Variants in GAS7 observed in about 807,000 individuals in gnomAD.
GAS7 encodes growth arrest-specific protein 7.
A neutral mutation model predicts 71.1 loss-of-function variants in GAS7; 28 were observed. That is an observed-to-expected ratio of 0.39 (90% confidence interval 0.29 to 0.54). GAS7 has a LOEUF of 0.54. Among genes scored for constraint, GAS7 ranks in the 20% least tolerant of loss-of-function variants. The pLI, the probability that GAS7 is intolerant of heterozygous loss-of-function variation, is 0.62. For synonymous variants in GAS7, 258 were observed against 245.8 expected (o/e 1.05, Z -0.46); for missense variants, 436 against 627.8 (o/e 0.69, Z 3.27).
chr17:10,045,729 C>A (rs1423771886), intron 1 of GAS7, among the ~76,000 whole-genome samples: 1 of 152,138 alleles, frequency 6.6e-6, no homozygotes, highest in African/African-American at 2.4e-5. Flanking sequence ...GTGGACATAT[C>A]AGAAACGGCA....
At chr17:10,084,637 T>C (rs2073497010) in intron 1 of GAS7, among the ~76,000 whole-genome samples, 1 of 152,048 alleles carries the variant, frequency 6.6e-6, no homozygotes, top group African/African-American at 2.4e-5. Flanking sequence ...TGGCTAATAT[T>C]TGTATTTTTA....
intron 2 of GAS7, among the ~76,000 whole-genome samples, chr17:9,983,467 G>C (rs1328784269): frequency 6.6e-6 from 1 of 152,094 alleles, no homozygotes; most frequent in Admixed American, 6.6e-5. Flanking sequence ...CTCCAGCCTG[G>C]GTGACAGAGC....
intron 1 of GAS7, among the ~76,000 whole-genome samples, chr17:10,059,048 T>C (rs1248717813): frequency 6.6e-6 from 1 of 152,226 alleles, no homozygotes; most frequent in Non-Finnish European, 1.5e-5. Context: ...ACCCACACGC[T>C]GCCTGGTCCC....
chr17:10,012,730 G>C (rs1169475305), intron 2 of GAS7, among the ~76,000 whole-genome samples: 1 of 152,164 alleles, frequency 6.6e-6, no homozygotes, highest in African/African-American at 2.4e-5. Context: ...AATTCCCCAT[G>C]TGCCAGTATG....
At position 10,085,711 on chromosome 17, in the gene GAS7, AAAG is replaced by A. The variant is rs1279907091; in HGVS notation, c.184-65817_184-65815del. 2.6e-3 allele frequency among the ~76,000 whole-genome samples: 365 copies of A among 141,422 alleles called. 3 individuals are homozygous for A. Among genetic ancestry groups the A allele is most frequent in the African/African-American group, 9.8e-3 (340 of 34,802 alleles). 92.8% of individuals were successfully genotyped at this position (141,422 alleles called of 152,430 possible). On this transcript the variant is annotated intron_variant, in intron 1 of 13. Transcript: ENST00000432992. Reference sequence around the variant, plus strand: ...CGTCTCAAAAAAAAAAAAAAAAAAGAAAGAAAGAAAGAAAGAAAGAGGAACCAT... The same window carrying A: ...CGTCTCAAAAAAAAAAAAAAAAAAGAAAAGAAAGAAAGAAAGAGGAACCAT...
intron 7 of GAS7, among the ~76,000 whole-genome samples, chr17:9,942,292 C>T (rs1490599037): frequency 6.6e-6 from 1 of 151,766 alleles, no homozygotes; most frequent in Non-Finnish European, 1.5e-5. Context: ...AAAGATATTG[C>T]AATTTGCTAT....
intron 3 of GAS7, among the ~76,000 whole-genome samples, chr17:9,972,231 C>G (rs1242135208): frequency 1.3e-5 from 2 of 152,208 alleles, no homozygotes; most frequent in Non-Finnish European, 2.9e-5. Flanking sequence ...ATACCATCCA[C>G]CCGCTATGAA....
At chr17:10,167,044 C>CTTTTTTTTTTTTTTTT (rs1164151104) in intron 1 of GAS7, among the ~76,000 whole-genome samples, 612 of 58,804 alleles carry the variant, frequency 0.01, 113 homozygotes, top group African/African-American at 0.02. Flanking sequence ...TTCCATTTGT[C>CTTTTTTTTTTTTTTTT]TTTTTTTTTT....
chr17:9,941,363 G>T (rs922060925), intron 7 of GAS7, among the ~76,000 whole-genome samples: 1 of 152,116 alleles, frequency 6.6e-6, no homozygotes, highest in Non-Finnish European at 1.5e-5. Flanking sequence ...CCTCAATGCC[G>T]ACAGCATGCA....
chr17:10,045,461 C>A (rs994305846), intron 1 of GAS7, among the ~76,000 whole-genome samples: 4 of 152,106 alleles, frequency 2.6e-5, no homozygotes, highest in Admixed American at 1.3e-4. Flanking sequence ...TTTTGGGAGG[C>A]CGAGGCAGGT....
intron 12 of GAS7, among the ~76,000 whole-genome samples, chr17:9,918,602 C>G (rs2270123): frequency 0.2 from 30,161 of 152,228 alleles, 3,164 homozygotes; most frequent in African/African-American, 0.27. Flanking sequence ...CCACACATTC[C>G]TGGGACCTTG....
Position 9,912,829 on chromosome 17 carries a change from A to G in GAS7, c.*4399T>C. ...CTTCCAGGGCGAAAGGCTCAGTGTA[A>G]AAATAAAGAAGCAGAGTAGTACGCC... On this transcript the variant is annotated 3_prime_UTR_variant, in exon 14 of 14. Transcript: ENST00000432992. The G allele has an allele frequency of 4.3e-6, 1 of 232,720 alleles. No homozygotes were observed. The highest frequency in any genetic ancestry group is 8.5e-6 in the Non-Finnish European group (1 of 117,682). 14.4% of individuals were successfully genotyped at this position (232,720 alleles called of 1,614,324 possible).
chr17:10,042,829 A>G (rs1357885565), intron 1 of GAS7, among the ~76,000 whole-genome samples: 1 of 152,188 alleles, frequency 6.6e-6, no homozygotes, highest in Non-Finnish European at 1.5e-5. Context: ...TTGATAAAGG[A>G]CGGGACATAA....
At chr17:10,134,195 T>A (rs2074020853) in intron 1 of GAS7, among the ~76,000 whole-genome samples, 1 of 152,076 alleles carries the variant, frequency 6.6e-6, no homozygotes. Flanking sequence ...CACGCCTAGC[T>A]ATTTTTCTTG....
intron 1 of GAS7, among the ~76,000 whole-genome samples, chr17:10,104,299 C>T (rs1334951929): frequency 2.6e-5 from 4 of 152,130 alleles, no homozygotes; most frequent in Middle Eastern, 3.2e-3. Context: ...TTCCAGAAAC[C>T]ATGACTGCTC....
intron 1 of GAS7, among the ~76,000 whole-genome samples, chr17:10,068,508 C>G (rs553032378): frequency 2.0e-5 from 3 of 151,864 alleles, no homozygotes; most frequent in Non-Finnish European, 4.4e-5. Flanking sequence ...GTAATCCCAG[C>G]ACTTTGGGAG....
At chr17:9,920,182 A>AGTGTGT (rs59320661) in intron 11 of GAS7, among the ~76,000 whole-genome samples, 18,538 of 141,004 alleles carry the variant, frequency 0.13, 1,283 homozygotes, top group East Asian at 0.2. Flanking sequence ...AGATCATGTA[A>AGTGTGT]GTGTGTGTGT....
intron 4 of GAS7, among the ~76,000 whole-genome samples, chr17:9,966,519 G>A (rs2069721659): frequency 1.3e-5 from 2 of 152,110 alleles, no homozygotes; most frequent in African/African-American, 2.4e-5. Context: ...TAGTTATCAT[G>A]AGTGATAACT....
Position 10,052,187 on chromosome 17 carries a change from C to T in GAS7, c.184-32290G>A, listed in dbSNP as rs116365900. On this transcript the variant is annotated intron_variant, in intron 1 of 13. Transcript: ENST00000432992. Reference sequence around the variant, plus strand: ...CCCAGAAACAAACCTGGTCCCTGACCGAGAACTGCAAAAGGCAGTTCCCAA... The same window carrying T: ...CCCAGAAACAAACCTGGTCCCTGACTGAGAACTGCAAAAGGCAGTTCCCAA... Among the ~76,000 whole-genome samples the T allele has an allele frequency of 7.6e-3, 1,156 of 152,204 alleles. 20 individuals are homozygous for T. The highest frequency in any genetic ancestry group is 0.026 in the African/African-American group (1,068 of 41,526).
Sources: gnomAD v4.1 joint callset for allele counts (sites outside exome capture counted in the v4.1 genomes callset) on GRCh38, gnomAD v4.1.1 for gene constraint, MANE v1.5 for transcripts, NCBI Gene and HGNC (gene_info 2026-07-23, HGNC 2026-07-21) for gene names.